Variants in DNAAF5 observed in about 807,000 individuals in gnomAD.
The protein encoded by DNAAF5 is dynein axonemal assembly factor 5.
DNAAF5 carries 64 observed loss-of-function variants against 75.8 expected under a neutral mutation model. The observed-to-expected ratio is 0.84, with a 90% confidence interval of 0.69 to 1.04. The LOEUF (loss-of-function observed/expected upper bound fraction) is 1.04. Ranked by LOEUF, DNAAF5 falls within the 50% of genes least tolerant of loss-of-function variation. The pLI is 0.00. For synonymous variants in DNAAF5, 657 were observed against 557.2 expected, an observed-to-expected ratio of 1.18 and a Z score of -2.52; for missense variants, 1,269 against 1,178.5, an observed-to-expected ratio of 1.08 and a Z score of -1.12.
At chr7:746,153 TGA>T (rs2128074931) in intron 4 of DNAAF5, among the ~76,000 whole-genome samples, 1 of 152,326 alleles carries the variant, frequency 6.6e-6, no homozygotes, top group African/African-American at 2.4e-5. Flanking sequence ...GAAGATTTTT[TGA>T]GTCTCTTCCT....
In DNAAF5 at chr7:756,994, C is replaced by T. The variant is rs374868488; in HGVS notation, c.1470C>T (p.Asn490=). ...AQAHICQASE[N]DLYLERLLLC... ...CCCACATCTGCCAGGCATCTGAAAA[C>T]GTAAGAGCACTTGGGAGATGCGGGA... The change falls in exon 6 of 13, where the codon AAC becomes AAT. Residue 490 remains asparagine, a splice_region_variant and synonymous_variant. Transcript: ENST00000297440. 27 of 1,601,238 alleles carry T rather than the reference C, an allele frequency of 1.7e-5. No individual in the cohort carries two copies. The highest frequency in any genetic ancestry group is 1.5e-4 in the Admixed American group (9 of 59,886).
intron 2 of DNAAF5, among the ~76,000 whole-genome samples, chr7:733,597 C>T (rs568926554): frequency 2.6e-4 from 39 of 152,226 alleles, no homozygotes; most frequent in South Asian, 1.0e-3. Context: ...CCCAGGTTCA[C>T]GCCATTCTCC....
chr7:780,612 A>C (rs1778904192), intron 12 of DNAAF5, among the ~76,000 whole-genome samples: 1 of 152,168 alleles, frequency 6.6e-6, no homozygotes, highest in Non-Finnish European at 1.5e-5. Context: ...CTGTGGCTTC[A>C]AGTGTAGTTG....
At chr7:782,585 G>C (rs894011875) in intron 12 of DNAAF5, among the ~76,000 whole-genome samples, 2 of 148,512 alleles carry the variant, frequency 1.3e-5, no homozygotes, top group African/African-American at 5.1e-5. Context: ...GGATCTTCCC[G>C]GCGTGGCCGC....
Position 754,717 on chromosome 7 carries a change from G to GTGC in DNAAF5, c.1163_1165dup (p.Leu388dup). Reference sequence around the variant, plus strand: ...AGTGAAGTCGGCACAGCTGCTCCCAGTGCTGCTGCTGCATGCCGAGGACCA... The same window carrying GTGC: ...AGTGAAGTCGGCACAGCTGCTCCCAGTGCTGCTGCTGCTGCATGCCGAGGACCA... On this transcript the variant is annotated inframe_insertion, in exon 5 of 13. Coordinates refer to ENST00000297440, the MANE Select transcript of DNAAF5 (RefSeq NM_017802.4). This position sits in a 1 kb window ranked among gnomAD's most constrained non-coding sequence, Gnocchi z 4.8. 1 of 1,613,932 alleles carries GTGC rather than the reference G, an allele frequency of 6.2e-7. No homozygotes were observed. The highest frequency in any genetic ancestry group is 8.5e-7 in the Non-Finnish European group (1 of 1,180,014).
At chr7:765,303 G>A (rs1246930729) in intron 8 of DNAAF5, among the ~76,000 whole-genome samples, 4 of 152,110 alleles carry the variant, frequency 2.6e-5, no homozygotes, top group Admixed American at 2.0e-4. Flanking sequence ...GAGAACTCCC[G>A]AGGCAGCGAC....
intron 4 of DNAAF5, among the ~76,000 whole-genome samples, chr7:748,486 A>G (rs1190995892): frequency 1.3e-5 from 2 of 152,066 alleles, no homozygotes; most frequent in Admixed American, 1.3e-4. Flanking sequence ...CTGAGTGCGG[A>G]GTTTGAGGAC....
chr7:732,502 C>T, intron 2 of DNAAF5: 1 of 455,930 alleles, frequency 2.2e-6, no homozygotes, highest in Non-Finnish European at 4.4e-6. Context: ...GGTGAGGCCA[C>T]CAGGCCTGTT....
intron 4 of DNAAF5, among the ~76,000 whole-genome samples, chr7:749,494 G>A (rs1321839464): frequency 6.6e-6 from 1 of 152,136 alleles, no homozygotes; most frequent in Non-Finnish European, 1.5e-5. Flanking sequence ...TCATTCTCCT[G>A]TTCTGCCTTG....
Position 756,893 on chromosome 7 carries a change from G to T in DNAAF5, c.1369G>T (p.Ala457Ser), listed in dbSNP as rs1486623150. 3.1e-6 allele frequency: 5 copies of T among 1,613,140 alleles called. No homozygotes were observed. Among genetic ancestry groups the T allele is most frequent in the Non-Finnish European group, 4.2e-6 (5 of 1,180,016 alleles). Residue 457 changes from alanine to serine, a missense_variant, in exon 6 of 13, where the codon GCC (alanine) becomes TCC (serine). Coordinates refer to ENST00000297440, the MANE Select transcript of DNAAF5 (RefSeq NM_017802.4). ...TPSASGLLVLASAMRGCPREA... is the reference protein window; with the variant it reads ...TPSASGLLVLSSAMRGCPREA... ...CTCTGCCTCCGGCCTCCTGGTGCTG[G>T]CCTCCGCCATGCGGGGTTGCCCCCG... is the stretch of plus-strand genomic sequence containing the variant.
intron 9 of DNAAF5, chr7:771,401 C>A (rs1247294854): frequency 6.6e-6 from 1 of 152,440 alleles, no homozygotes; most frequent in South Asian, 2.1e-4. Flanking sequence ...CTGGGTCCTA[C>A]CCCCGCCTGT....
At chr7:783,661 A>C (rs1779053763) in intron 12 of DNAAF5, among the ~76,000 whole-genome samples, 2 of 152,222 alleles carry the variant, frequency 1.3e-5, no homozygotes, top group Admixed American at 1.3e-4. Context: ...GGAGGACAGC[A>C]GCTCACGTGC....
intron 9 of DNAAF5, 49 bp from the exon 10 acceptor site, chr7:773,999 C>T (rs1433807838): frequency 3.7e-6 from 6 of 1,610,756 alleles, no homozygotes; most frequent in African/African-American, 1.3e-5. Flanking sequence ...AACGTTTCTT[C>T]CGAGCACCTG....
chr7:776,580 C>T (rs571054348), intron 11 of DNAAF5, among the ~76,000 whole-genome samples: 1 of 152,294 alleles, frequency 6.6e-6, no homozygotes, highest in Admixed American at 6.5e-5. Flanking sequence ...CACCCTGCAG[C>T]AGGACCAGGG....
intron 8 of DNAAF5, among the ~76,000 whole-genome samples, chr7:764,282 G>A (rs1190273466): frequency 6.6e-6 from 1 of 152,228 alleles, no homozygotes; most frequent in Non-Finnish European, 1.5e-5. Flanking sequence ...GGATTTTGTT[G>A]CAGAATCTAG....
At chr7:761,364 TG>T (rs1437135436) in intron 6 of DNAAF5, among the ~76,000 whole-genome samples, 2 of 152,248 alleles carry the variant, frequency 1.3e-5, no homozygotes, top group East Asian at 3.9e-4. Context: ...GCGGGAGCCC[TG>T]TATTAGTCCA....
At chr7:740,418 C>T (rs890981254) in intron 2 of DNAAF5, among the ~76,000 whole-genome samples, 1 of 152,198 alleles carries the variant, frequency 6.6e-6, no homozygotes, top group African/African-American at 2.4e-5. Flanking sequence ...TCACCAAGCA[C>T]CCAGGGTGAG....
At position 761,887 on chromosome 7, in the gene DNAAF5, G is replaced by C; in HGVS notation, c.1605G>C (p.Leu535=). 2 of 1,573,094 alleles carry C rather than the reference G, an allele frequency of 1.3e-6. No individual in the cohort carries two copies. The highest frequency in any genetic ancestry group is 1.7e-6 in the Non-Finnish European group (2 of 1,159,784). Residue 535 remains leucine (L), a synonymous_variant, in exon 7 of 13, where the codon CTG becomes CTC. Transcript: ENST00000297440. The part of the protein sequence containing the change: ...TIVALAGATG[L]RDKAQETMDS... ...TGGCCCTCGCAGGTGCTACCGGCCT[G>C]AGGGACAAGGTAAGGCTGACAGTGG...
Position 770,513 on chromosome 7 carries a change from T to A in DNAAF5, c.1826T>A (p.Leu609Gln). The A allele has an allele frequency of 6.2e-7, 1 of 1,613,840 alleles. No homozygotes were observed. The highest frequency in any genetic ancestry group is 8.5e-7 in the Non-Finnish European group (1 of 1,179,962). The change falls in exon 9 of 13, where the codon CTG (leucine) becomes CAG (glutamine). Residue 609 changes from leucine (L) to glutamine (Q), a missense_variant. Coordinates refer to ENST00000297440, the MANE Select transcript of DNAAF5 (RefSeq NM_017802.4). Reference protein sequence around the residue: ...GEALPHVVPTLRACLQPSQDP... With the variant: ...GEALPHVVPTQRACLQPSQDP... ...GCCCTGCCACACGTCGTGCCCACGC[T>A]GAGGGCCTGTCTGCAGCCCTCCCAA...
Sources: allele counts gnomAD v4.1 joint callset (sites outside exome capture counted in the v4.1 genomes callset), GRCh38; gene constraint gnomAD v4.1.1; non-coding constraint Gnocchi (gnomAD v3.1); transcripts MANE v1.5; gene names NCBI Gene and HGNC (gene_info 2026-07-23, HGNC 2026-07-21).